The following KCTD8 variants were observed in gnomAD, a reference collection of about 807,000 sequenced individuals.
The protein encoded by KCTD8 is BTB/POZ domain-containing protein KCTD8.
A neutral mutation model predicts 31.5 loss-of-function variants in KCTD8; 27 were observed. The ratio of observed to expected loss-of-function variants is 0.86; its 90% CI spans 0.63 to 1.18. KCTD8 has a LOEUF of 1.18. Ranked by LOEUF, KCTD8 falls within the 50% of genes most tolerant of loss-of-function variation. The pLI, the probability that KCTD8 is intolerant of heterozygous loss-of-function variation, is 0.00. For missense variants in KCTD8, 658 were observed against 647.7 expected (o/e 1.02, Z -0.17); for synonymous variants, 290 against 280.0 (o/e 1.04, Z -0.36).
chr4:44,280,597 T>C (rs1292348101), intron 1 of KCTD8, among the ~76,000 whole-genome samples: 1 of 152,110 alleles, frequency 6.6e-6, no homozygotes, highest in Non-Finnish European at 1.5e-5. Flanking sequence ...AGGCTAAGGA[T>C]ACTATCACAG....
At position 44,202,870 on chromosome 4, in the gene KCTD8, T is replaced by A. The variant is rs150919124; in HGVS notation, c.962-27620A>T. ...AAAAGTCATGTTAATAATTGTAAAA[T>A]TGAAAATTTTCTTTAGTTAGAGCAG... On this transcript the variant is annotated intron_variant, in intron 1 of 1. Transcript: ENST00000360029. Among the ~76,000 whole-genome samples, 1,063 of 152,226 alleles carry A rather than the reference T, an allele frequency of 7.0e-3. 17 individuals are homozygous for A. The highest frequency in any genetic ancestry group is 0.024 in the African/African-American group (998 of 41,536).
intron 1 of KCTD8, among the ~76,000 whole-genome samples, chr4:44,183,980 G>A (rs1433803380): frequency 1.3e-5 from 2 of 152,108 alleles, no homozygotes; most frequent in African/African-American, 4.8e-5. Flanking sequence ...TGAGTCAAAA[G>A]GGAAAAACTC....
chr4:44,196,848 A>G (rs1225966775), intron 1 of KCTD8, among the ~76,000 whole-genome samples: 1 of 152,180 alleles, frequency 6.6e-6, no homozygotes, highest in Non-Finnish European at 1.5e-5. Context: ...GAATACAGGG[A>G]ATCCCACAGG....
At chr4:44,200,004 T>C (rs1054981144) in intron 1 of KCTD8, among the ~76,000 whole-genome samples, 32 of 151,582 alleles carry the variant, frequency 2.1e-4, no homozygotes, top group African/African-American at 7.8e-4. Context: ...TAAAAAAAGA[T>C]CCTGAAAGGG....
chr4:44,384,535 T>C (rs569407038), intron 1 of KCTD8, among the ~76,000 whole-genome samples: 1 of 151,860 alleles, frequency 6.6e-6, no homozygotes, highest in Non-Finnish European at 1.5e-5. Context: ...CACAGAAAGA[T>C]AAATATCACA....
At chr4:44,226,255 T>C (rs1412713723) in intron 1 of KCTD8, among the ~76,000 whole-genome samples, 2 of 152,092 alleles carry the variant, frequency 1.3e-5, no homozygotes, top group African/African-American at 4.8e-5. Flanking sequence ...TGCATTCTCA[T>C]TGTTCAATTC....
intron 1 of KCTD8, among the ~76,000 whole-genome samples, chr4:44,418,882 A>AT (rs1721142628): frequency 6.6e-6 from 1 of 152,190 alleles, no homozygotes; most frequent in East Asian, 1.9e-4. Context: ...CATTACTATA[A>AT]TTTTTTAATT....
At chr4:44,294,702 C>T (rs1394019374) in intron 1 of KCTD8, among the ~76,000 whole-genome samples, 3 of 152,162 alleles carry the variant, frequency 2.0e-5, no homozygotes, top group African/African-American at 7.2e-5. Flanking sequence ...CTATAGCATC[C>T]TATATATCCA....
chr4:44,410,901 G>A (rs1720937032), intron 1 of KCTD8, among the ~76,000 whole-genome samples: 1 of 152,088 alleles, frequency 6.6e-6, no homozygotes, highest in African/African-American at 2.4e-5. Context: ...ATAATCTCCT[G>A]AGGTGGCCTT....
At chr4:44,189,578 C>T (rs1355818231) in intron 1 of KCTD8, among the ~76,000 whole-genome samples, 1 of 152,012 alleles carries the variant, frequency 6.6e-6, no homozygotes, top group Non-Finnish European at 1.5e-5. Context: ...ATCTCTGTTC[C>T]CATAAGACTC....
At chr4:44,400,912 C>T (rs920299702) in intron 1 of KCTD8, among the ~76,000 whole-genome samples, 2 of 151,570 alleles carry the variant, frequency 1.3e-5, no homozygotes, top group African/African-American at 4.8e-5. Context: ...TCATGGCTCA[C>T]CACAGCCTTG....
chr4:44,446,520 C>T (rs1056013174), intron 1 of KCTD8, among the ~76,000 whole-genome samples: 1 of 152,134 alleles, frequency 6.6e-6, no homozygotes, highest in Non-Finnish European at 1.5e-5. Flanking sequence ...TTGTGCCCAC[C>T]ACAGCCCCAC....
intron 1 of KCTD8, among the ~76,000 whole-genome samples, chr4:44,371,088 T>C (rs1392888096): frequency 6.6e-6 from 1 of 151,944 alleles, no homozygotes; most frequent in African/African-American, 2.4e-5. Flanking sequence ...TCAAGTCTTA[T>C]GGCCCAAGAA....
At chr4:44,425,960 C>A (rs1721334662) in intron 1 of KCTD8, among the ~76,000 whole-genome samples, 1 of 151,462 alleles carries the variant, frequency 6.6e-6, no homozygotes, top group African/African-American at 2.4e-5. Context: ...CACAACATAT[C>A]TATATCAAAG....
intron 1 of KCTD8, among the ~76,000 whole-genome samples, chr4:44,300,309 A>G (rs1215560766): frequency 2.6e-4 from 39 of 152,170 alleles, no homozygotes; most frequent in Non-Finnish European, 5.9e-5. Flanking sequence ...AGCACTGTCC[A>G]CAATGGATCT....
At chr4:44,280,231 T>C (rs1328815594) in intron 1 of KCTD8, among the ~76,000 whole-genome samples, 2 of 152,120 alleles carry the variant, frequency 1.3e-5, no homozygotes, top group East Asian at 1.9e-4. Flanking sequence ...ACAGAGAGAA[T>C]CATCTAACTT....
intron 1 of KCTD8, among the ~76,000 whole-genome samples, chr4:44,331,139 A>T (rs1247698943): frequency 6.6e-6 from 1 of 151,846 alleles, no homozygotes; most frequent in Non-Finnish European, 1.5e-5. Context: ...GAAGTTCATT[A>T]AAAAATAAAA....
At chr4:44,295,368 A>C (rs1717397256) in intron 1 of KCTD8, among the ~76,000 whole-genome samples, 1 of 152,094 alleles carries the variant, frequency 6.6e-6, no homozygotes, top group Non-Finnish European at 1.5e-5. Flanking sequence ...TTTAGAACTA[A>C]AATGCTGGCA....
At chr4:44,312,623 A>G (rs1424148436) in intron 1 of KCTD8, among the ~76,000 whole-genome samples, 2 of 152,200 alleles carry the variant, frequency 1.3e-5, no homozygotes, top group African/African-American at 4.8e-5. Flanking sequence ...AAAGCATTAC[A>G]TATCCCCCAT....
Sources: gnomAD v4.1 joint callset for allele counts (sites outside exome capture counted in the v4.1 genomes callset) on GRCh38, gnomAD v4.1.1 for gene constraint, MANE v1.5 for transcripts, NCBI Gene and HGNC (gene_info 2026-07-23, HGNC 2026-07-21) for gene names.